Variants in CLCC1 observed in about 807,000 individuals in gnomAD.
CLCC1 encodes the protein chloride channel CLIC-like protein 1.
CLCC1 carries 39 observed loss-of-function variants against 63.3 expected under a neutral mutation model. The observed-to-expected ratio is 0.62, with a 90% CI of 0.48 to 0.81. The LOEUF (loss-of-function observed/expected upper bound fraction) is 0.81. Ranked by LOEUF, CLCC1 falls within the 30% of genes least tolerant of loss-of-function variation. The pLI is 0.00. For missense variants in CLCC1, 549 were observed against 669.4 expected, an observed-to-expected ratio of 0.82 and a Z score of 1.98; for synonymous variants, 217 against 239.8, an observed-to-expected ratio of 0.90 and a Z score of 0.88.
At chr1:108,943,384 A>C (rs971440817) in intron 7 of CLCC1, 91 bp downstream of exon 7, 1 of 1,360,620 alleles carries the variant, frequency 7.3e-7, no homozygotes, top group African/African-American at 1.5e-5. Context: ...TCCAACCCAC[A>C]TCCAAGGCAA....
At chr1:108,933,931 G>C (rs1474044979) in intron 12 of CLCC1, 2 of 152,194 alleles carry the variant, frequency 1.3e-5, no homozygotes, top group Non-Finnish European at 2.9e-5. Flanking sequence ...CTAGGATTCT[G>C]AGTAACACAA....
At position 108,929,975 on chromosome 1, in the gene CLCC1, G is replaced by A. The variant is rs371265789; in HGVS notation, c.*2572C>T. The A allele has an allele frequency of 1.1e-5, 18 of 1,584,198 alleles. No individual in the cohort carries two copies. The highest frequency in any genetic ancestry group is 1.8e-4 in the Middle Eastern group (1 of 5,532). On this transcript the variant is annotated 3_prime_UTR_variant, in exon 13 of 13. Coordinates refer to ENST00000369969, the MANE Select transcript of CLCC1 (RefSeq NM_001377458.1). ...ATTTATTTTTTTTCCTTTCAAACAC[G>A]GTAAGGAAACAATCTATTACTTTTT...
intron 10 of CLCC1, among the ~76,000 whole-genome samples, chr1:108,939,293 T>C (rs921484248): frequency 2.1e-5 from 3 of 146,048 alleles, no homozygotes; most frequent in Admixed American, 1.4e-4. Flanking sequence ...GATATATAAA[T>C]ATACATATAT....
At chr1:108,940,464 A>G (rs1444547329) in intron 8 of CLCC1, among the ~76,000 whole-genome samples, 1 of 152,240 alleles carries the variant, frequency 6.6e-6, no homozygotes, top group Non-Finnish European at 1.5e-5. Context: ...GGAAGTCGAA[A>G]TAAGACTGGT....
Position 108,937,935 on chromosome 1 carries a change from C to T in CLCC1, c.1042-517G>A, listed in dbSNP as rs190694947. On this transcript the variant is annotated intron_variant, in intron 10 of 12. Transcript: ENST00000369969. Reference sequence around the variant, plus strand: ...CCTTACAGTGTGGCCCAGGGACCCCCGGGGGATACCTGAGACTTTCAGGAG... The same window carrying T: ...CCTTACAGTGTGGCCCAGGGACCCCTGGGGGATACCTGAGACTTTCAGGAG... Among the ~76,000 whole-genome samples the T allele has an allele frequency of 2.4e-4, 37 of 152,246 alleles. 1 individual carries two copies. The highest frequency in any genetic ancestry group is 2.1e-3 in the Admixed American group (32 of 15,288).
chr1:108,950,582 T>TA (rs1655063652), intron 2 of CLCC1, 134 bp from the exon 3 acceptor site: 1 of 399,056 alleles, frequency 2.5e-6, no homozygotes, highest in South Asian at 7.4e-5. Context: ...AGTACAGTGA[T>TA]ACAATCACAG....
chr1:108,937,545 A>G, intron 10 of CLCC1, 127 bp from the exon 11 acceptor site: 4 of 815,242 alleles, frequency 4.9e-6, no homozygotes, highest in Non-Finnish European at 7.2e-6. Context: ...ATAGACATAA[A>G]CATGTTAATT....
rs77713702 is a variant in CLCC1 at position 108,956,222 on chromosome 1, G to A, written c.-11-5774C>T. ...TATCAATGGCCAGCCATGTGGGTGA[G>A]CCATCTTGGTGGTTCCAGTCCAACC... On this transcript the variant is annotated intron_variant, in intron 2 of 12. Coordinates refer to ENST00000369969, the MANE Select transcript of CLCC1 (RefSeq NM_001377458.1). Among the ~76,000 whole-genome samples, 620 of 151,484 alleles carry A rather than the reference G, an allele frequency of 4.1e-3. 27 individuals are homozygous for A. Among genetic ancestry groups the A allele is most frequent in the African/African-American group, 0.014 (578 of 40,772 alleles).
chr1:108,950,215 G>T, intron 3 of CLCC1, 94 bp downstream of exon 3: 2 of 1,220,148 alleles, frequency 1.6e-6, no homozygotes, highest in South Asian at 1.6e-5. Flanking sequence ...ATGGATCCAT[G>T]ACCCTCATAG....
At position 108,930,838 on chromosome 1, in the gene CLCC1, C is replaced by T. The variant is rs1344822395; in HGVS notation, c.*1709G>A. On this transcript the variant is annotated 3_prime_UTR_variant, in exon 13 of 13. Coordinates refer to ENST00000369969, the MANE Select transcript of CLCC1 (RefSeq NM_001377458.1). ...CCTGGGAGGCAGAGATTGCAGTGAG[C>T]TGAGACCAAGCCACTGGACTCCAGC... is the stretch of plus-strand genomic sequence containing the variant. 2 of 152,562 alleles carry T rather than the reference C, an allele frequency of 1.3e-5. No individual in the cohort carries two copies. Among genetic ancestry groups the T allele is most frequent in the Non-Finnish European group, 2.9e-5 (2 of 68,742 alleles). The allele number at this position is 152,562 out of a possible 1,614,324, so 9.5% of individuals were successfully genotyped here.
At chr1:108,954,005 C>T (rs1231419101) in intron 2 of CLCC1, among the ~76,000 whole-genome samples, 1 of 103,854 alleles carries the variant, frequency 9.6e-6, no homozygotes, top group Non-Finnish European at 1.8e-5. Context: ...AGTGAAACTC[C>T]GTCTCAAAAA....
chr1:108,940,173 ATTTCT>A (rs760148708), intron 8 of CLCC1, 31 bp from the exon 9 acceptor site: 1 of 1,415,718 alleles, frequency 7.1e-7, no homozygotes, highest in Non-Finnish European at 9.9e-7. Flanking sequence ...AACACTGATC[ATTTCT>A]TTTAATGTTG....
chr1:108,961,826 T>C (rs796709961), intron 2 of CLCC1, among the ~76,000 whole-genome samples: 7 of 151,762 alleles, frequency 4.6e-5, no homozygotes, highest in African/African-American at 1.7e-4. Flanking sequence ...GCCATTGCAC[T>C]CCAGCCTGGG....
At chr1:108,947,498 T>A in intron 5 of CLCC1, 113 bp downstream of exon 5, 3 of 631,136 alleles carry the variant, frequency 4.8e-6, no homozygotes, top group Non-Finnish European at 8.1e-6. Flanking sequence ...AAAGAGTCAG[T>A]CAGGTGGTCT....
intron 4 of CLCC1, among the ~76,000 whole-genome samples, chr1:108,948,274 AG>A (rs1410592835): frequency 6.6e-6 from 1 of 152,230 alleles, no homozygotes; most frequent in East Asian, 1.9e-4. Flanking sequence ...ATGCTCAGGA[AG>A]GCAGGAACTG....
At chr1:108,939,873 T>A (rs1653607357) in intron 9 of CLCC1, 91 bp from the exon 10 acceptor site, 2 of 1,400,870 alleles carry the variant, frequency 1.4e-6, no homozygotes, top group Non-Finnish European at 1.9e-6. Context: ...GCTGAAAGTA[T>A]GTTACATAAA....
chr1:108,948,434 T>C lies in CLCC1; in HGVS notation c.232-716A>G, dbSNP rs557220244. ...GTATTTTTCAAACATTAGAATAACT[T>C]TGTGATCATCAACTTGCATTTTTTA... is the stretch of plus-strand genomic sequence containing the variant. On this transcript the variant is annotated intron_variant, in intron 4 of 12. Coordinates refer to ENST00000369969, the MANE Select transcript of CLCC1 (RefSeq NM_001377458.1). Among the ~76,000 whole-genome samples, 20 of 152,284 alleles carry C rather than the reference T, an allele frequency of 1.3e-4. No individual in the cohort carries two copies. In the East Asian group the frequency reaches 2.5e-3, roughly 19 times the overall value.
At chr1:108,958,620 C>T (rs1233247531) in intron 2 of CLCC1, among the ~76,000 whole-genome samples, 1 of 151,616 alleles carries the variant, frequency 6.6e-6, no homozygotes, top group Non-Finnish European at 1.5e-5. Context: ...TGGCTCATGC[C>T]TGTAATCCCA....
chr1:108,939,182 CAT>C (rs10594082), intron 10 of CLCC1, among the ~76,000 whole-genome samples: 39,466 of 139,862 alleles, frequency 0.28, 6,214 homozygotes, highest in African/African-American at 0.43. Context: ...ACTGACAGTG[CAT>C]ATATATATAT....
Sources: allele counts gnomAD v4.1 joint callset (sites outside exome capture counted in the v4.1 genomes callset), GRCh38; gene constraint gnomAD v4.1.1; transcripts MANE v1.5; gene names NCBI Gene and HGNC (gene_info 2026-07-23, HGNC 2026-07-21).